The following PTP4A1 variants were observed in gnomAD, a reference collection of about 807,000 sequenced individuals.
PTP4A1 encodes protein tyrosine phosphatase type IVA 1.
In PTP4A1, 9 loss-of-function variants were observed where a neutral mutation model predicts 20.5. That is an observed-to-expected ratio of 0.44 (90% CI 0.26 to 0.77). The LOEUF (loss-of-function observed/expected upper bound fraction) is 0.77. PTP4A1 is among the 30% of genes least tolerant of loss of function. The pLI, the probability that PTP4A1 is intolerant of heterozygous loss-of-function variation, is 0.19. For synonymous variants in PTP4A1, 78 were observed against 67.4 expected, an observed-to-expected ratio of 1.16 and a Z score of -0.77; for missense variants, 137 against 218.8, an observed-to-expected ratio of 0.63 and a Z score of 2.36.
intron 2 of PTP4A1, chr6:63,549,252 G>A: frequency 1.3e-6 from 1 of 746,580 alleles, no homozygotes; most frequent in South Asian, 1.4e-5. Flanking sequence ...GTGGTCCAGG[G>A]CCTGGGTGAA....
intron 2 of PTP4A1, among the ~76,000 whole-genome samples, chr6:63,541,580 A>C (rs1406357525): frequency 2.0e-5 from 3 of 152,124 alleles, no homozygotes; most frequent in East Asian, 1.9e-4. Context: ...ATCTAGCACT[A>C]ATAAAGGAAT....
At chr6:63,536,489 G>A (rs1415013821) in intron 2 of PTP4A1, among the ~76,000 whole-genome samples, 2 of 152,162 alleles carry the variant, frequency 1.3e-5, no homozygotes, top group Non-Finnish European at 2.9e-5. Flanking sequence ...AACAAGATTA[G>A]ATTAGATTAA....
chr6:63,527,147 A>C (rs1483764690), intron 1 of PTP4A1, among the ~76,000 whole-genome samples: 4 of 152,136 alleles, frequency 2.6e-5, no homozygotes, highest in African/African-American at 9.7e-5. Context: ...CACATGTTGG[A>C]ACTGGCTTGG....
chr6:63,522,851 A>T (rs1206620593), intron 1 of PTP4A1, among the ~76,000 whole-genome samples: 2 of 149,584 alleles, frequency 1.3e-5, no homozygotes, highest in Non-Finnish European at 3.0e-5. Context: ...CCCCTTTATA[A>T]GACTAAATCA....
chr6:63,569,877 C>T (rs1777347040), upstream of PTP4A1, among the ~76,000 whole-genome samples: 1 of 152,174 alleles, frequency 6.6e-6, no homozygotes, highest in South Asian at 2.1e-4. Flanking sequence ...GAGTGCAAGT[C>T]TGTAAGGGTT....
chr6:63,529,483 C>A lies in PTP4A1; in HGVS notation c.-640+1399C>A, dbSNP rs140508184. 5.6e-3 allele frequency among the ~76,000 whole-genome samples: 856 copies of A among 152,198 alleles called. 4 individuals are homozygous for A. The highest frequency in any genetic ancestry group is 9.0e-3 in the Non-Finnish European group (612 of 68,014). On this transcript the variant is annotated intron_variant, in intron 2 of 3. Transcript: ENST00000639568. Reference sequence around the variant, plus strand: ...CACTCCTGCTCCTCCTCCTTCACCCCTCCCTTGCCTCTCTTGTCTCTTTTT... The same window carrying A: ...CACTCCTGCTCCTCCTCCTTCACCCATCCCTTGCCTCTCTTGTCTCTTTTT...
At chr6:63,534,780 A>AAAGAATTT (rs1373687616) in intron 2 of PTP4A1, among the ~76,000 whole-genome samples, 2 of 51,236 alleles carry the variant, frequency 3.9e-5, no homozygotes, top group African/African-American at 1.7e-4. Flanking sequence ...AAATTTCTTT[A>AAAGAATTT]CTAAAGAATT....
At chr6:63,524,004 G>A (rs1025459362) in intron 1 of PTP4A1, among the ~76,000 whole-genome samples, 7 of 150,836 alleles carry the variant, frequency 4.6e-5, no homozygotes, top group African/African-American at 1.7e-4. Flanking sequence ...TTTTTCTGGA[G>A]ACAGTCTTGC....
At chr6:63,524,076 G>A (rs1015781853) in intron 1 of PTP4A1, among the ~76,000 whole-genome samples, 1 of 152,024 alleles carries the variant, frequency 6.6e-6, no homozygotes, top group Non-Finnish European at 1.5e-5. Flanking sequence ...TTGCCTCCCA[G>A]GTTCAAGTGA....
chr6:63,550,766 AG>A (rs1296630680), intron 3 of PTP4A1, among the ~76,000 whole-genome samples: 2 of 151,934 alleles, frequency 1.3e-5, no homozygotes, highest in Non-Finnish European at 2.9e-5. Flanking sequence ...CTGGGATTAT[AG>A]GCACCCACCA....
chr6:63,549,842 T>C (rs1475466871), intron 2 of PTP4A1, among the ~76,000 whole-genome samples: 9 of 152,124 alleles, frequency 5.9e-5, no homozygotes, highest in Non-Finnish European at 1.3e-4. Context: ...GGGAGAGATT[T>C]GTTAAAGAAT....
Position 63,573,129 on chromosome 6 carries a change from G to A in PTP4A1, c.-446+410G>A, listed in dbSNP as rs540947877. Reference sequence around the variant, plus strand: ...CCTTTGGTCTGGCGCGACCCGTCCGGGCATGGCAGGCTCCGCGGCGTCCCG... The same window carrying A: ...CCTTTGGTCTGGCGCGACCCGTCCGAGCATGGCAGGCTCCGCGGCGTCCCG... On this transcript the variant is annotated intron_variant, in intron 1 of 5. Coordinates refer to ENST00000626021, the MANE Select transcript of PTP4A1 (RefSeq NM_003463.5). 35 of 160,862 alleles carry A rather than the reference G, an allele frequency of 2.2e-4. 2 individuals carry two copies. The South Asian group carries it at 7.1e-3, about 33-fold the overall frequency. 10.0% of individuals were successfully genotyped at this position (160,862 alleles called of 1,614,324 possible).
At chr6:63,570,917 A>T (rs1777389902), upstream of PTP4A1, 1 of 152,146 alleles carries the variant, frequency 6.6e-6, no homozygotes, top group Non-Finnish European at 1.5e-5. Flanking sequence ...TTTTTTCGAC[A>T]TGAGTTCCCC....
At chr6:63,520,132 CT>C (rs1774868532), upstream of PTP4A1, among the ~76,000 whole-genome samples, 1 of 152,212 alleles carries the variant, frequency 6.6e-6, no homozygotes, top group Non-Finnish European at 1.5e-5. Flanking sequence ...ATATTACACA[CT>C]GCTGTTGCAT....
At chr6:63,525,048 C>A (rs1332306726) in intron 1 of PTP4A1, among the ~76,000 whole-genome samples, 1 of 152,200 alleles carries the variant, frequency 6.6e-6, no homozygotes, top group East Asian at 1.9e-4. Flanking sequence ...TTAGCTTAGA[C>A]AGACTAGAGC....
chr6:63,534,339 AAGTT>A (rs1199480528), intron 2 of PTP4A1, among the ~76,000 whole-genome samples: 2 of 152,096 alleles, frequency 1.3e-5, no homozygotes, highest in African/African-American at 4.8e-5. Flanking sequence ...GGTTCACTCT[AAGTT>A]AGGAGCAATG....
At chr6:63,552,666 A>G (rs1266005772) in intron 3 of PTP4A1, among the ~76,000 whole-genome samples, 2 of 152,174 alleles carry the variant, frequency 1.3e-5, no homozygotes, top group African/African-American at 4.8e-5. Flanking sequence ...TTATGGTTTT[A>G]GTTCTAACAT....
chr6:63,546,661 G>A (rs999679432), intron 2 of PTP4A1, among the ~76,000 whole-genome samples: 14 of 151,842 alleles, frequency 9.2e-5, no homozygotes, highest in South Asian at 2.1e-4. Context: ...AGCTGAGATC[G>A]TGCCATTGTA....
chr6:63,530,335 A>G (rs1034282750), intron 2 of PTP4A1, among the ~76,000 whole-genome samples: 1 of 152,200 alleles, frequency 6.6e-6, no homozygotes, highest in Non-Finnish European at 1.5e-5. Flanking sequence ...CCTGAGAAAA[A>G]GCACAAAGGC....
Sources: gnomAD v4.1 joint callset for allele counts (sites outside exome capture counted in the v4.1 genomes callset) on GRCh38, gnomAD v4.1.1 for gene constraint, MANE v1.5 for transcripts, NCBI Gene and HGNC (gene_info 2026-07-23, HGNC 2026-07-21) for gene names.